The following INHBC variants were observed in gnomAD, a reference collection of about 807,000 sequenced individuals.
INHBC encodes inhibin beta C chain.
In INHBC, 10 loss-of-function variants were observed where a neutral mutation model predicts 12.4. That is an observed-to-expected ratio of 0.81 (90% CI 0.50 to 1.37). INHBC has a LOEUF of 1.37. INHBC is among the 40% of genes most tolerant of loss of function. The pLI is 0.00. For missense variants in INHBC, 382 were observed against 439.4 expected, an observed-to-expected ratio of 0.87 and a Z score of 1.17; for synonymous variants, 147 against 171.6, an observed-to-expected ratio of 0.86 and a Z score of 1.12.
intron 1 of INHBC, among the ~76,000 whole-genome samples, chr12:57,446,829 CAA>C (rs1319712260): frequency 6.6e-6 from 1 of 151,684 alleles, no homozygotes; most frequent in Non-Finnish European, 1.5e-5. Context: ...GTTGGGCCGA[CAA>C]AGAGGAGCTG....
At chr12:57,440,128 C>T (rs916485197) in intron 1 of INHBC, among the ~76,000 whole-genome samples, 1 of 152,070 alleles carries the variant, frequency 6.6e-6, no homozygotes, top group Non-Finnish European at 1.5e-5. Flanking sequence ...CTTTAAGAAC[C>T]TTTTGTCAGA....
At position 57,451,831 on chromosome 12, in the gene INHBC, C is replaced by A. The variant is rs1870718138; in HGVS notation, c.*1809C>A. 2.2e-6 allele frequency: 1 copy of A among 455,606 alleles called. No individual in the cohort carries two copies. Among genetic ancestry groups the A allele is most frequent in the South Asian group, 1.5e-5 (1 of 64,530 alleles). The allele number at this position is 455,606 out of a possible 1,614,324, so 28.2% of individuals were successfully genotyped here. A position where few individuals can be genotyped will look rare whatever the true frequency, so the allele number is the denominator to read the frequency against. On this transcript the variant is annotated 3_prime_UTR_variant, in exon 2 of 2. Transcript: ENST00000309668. ...CCTTCTGGTGTCTCCCCCACACATC[C>A]CCGACCCCCAGATCTAACCTCCTTC...
intron 1 of INHBC, among the ~76,000 whole-genome samples, chr12:57,440,916 C>T (rs532703504): frequency 2.0e-5 from 3 of 152,204 alleles, no homozygotes; most frequent in East Asian, 1.9e-4. Context: ...TTCCCGAAGC[C>T]GGTGCAACTG....
chr12:57,437,952 A>C (rs1337884253), intron 1 of INHBC, among the ~76,000 whole-genome samples: 1 of 151,696 alleles, frequency 6.6e-6, no homozygotes, highest in Non-Finnish European at 1.5e-5. Context: ...AACCTGGCTA[A>C]TTTTTGTATT....
chr12:57,434,949 A>AGCTG lies in INHBC; in HGVS notation c.66_69dup (p.Gly24TrpfsTer23). The AGCTG allele has an allele frequency of 6.2e-7, 1 of 1,614,180 alleles. No homozygotes were observed. Among genetic ancestry groups the AGCTG allele is most frequent in the Middle Eastern group, 1.6e-4 (1 of 6,062 alleles). ...CTCCAACCACAGTGGCCACTCCCAG[A>AGCTG]GCTGGCGGTCAGTGTCCAGCATGTG... On this transcript the variant is annotated frameshift_variant, in exon 1 of 2. Transcript: ENST00000309668. LOFTEE classifies it high-confidence loss of function.
intron 1 of INHBC, among the ~76,000 whole-genome samples, chr12:57,436,655 T>A (rs2139829543): frequency 6.6e-6 from 1 of 151,302 alleles, no homozygotes; most frequent in East Asian, 1.9e-4. Context: ...TAATTTTTTT[T>A]ATTTTTTATT....
At chr12:57,447,549 G>A (rs1870605209) in intron 1 of INHBC, among the ~76,000 whole-genome samples, 1 of 151,080 alleles carries the variant, frequency 6.6e-6, no homozygotes, top group African/African-American at 2.4e-5. Flanking sequence ...GGGGTATATA[G>A]GAAGGAAAGT....
In INHBC at chr12:57,449,520, C is replaced by T. The variant is rs1241418758; in HGVS notation, c.557C>T (p.Ala186Val). 1 of 1,614,102 alleles carries T rather than the reference C, an allele frequency of 6.2e-7. No individual in the cohort carries two copies. Among genetic ancestry groups the T allele is most frequent in the Non-Finnish European group, 8.5e-7 (1 of 1,180,042 alleles). ...CATCAACTCCCCCTAGGGCCTGAAG[C>T]TCAAGCTGCCTGCAGCCAGGGGCAC... is the stretch of plus-strand genomic sequence containing the variant. ...GWHQLPLGPE[A>V]QAACSQGHLT... The change falls in exon 2 of 2, where the codon GCT becomes GTT. Residue 186 changes from alanine to valine, a missense_variant. Physicochemically the swap from Ala to Val is moderately conservative, Grantham distance 64. Transcript: ENST00000309668.
chr12:57,438,414 C>G (rs1870393278), intron 1 of INHBC, among the ~76,000 whole-genome samples: 1 of 152,172 alleles, frequency 6.6e-6, no homozygotes. Flanking sequence ...CCCAAAGGCT[C>G]CACTTCCTAA....
chr12:57,440,531 G>A (rs1790017832), intron 1 of INHBC, among the ~76,000 whole-genome samples: 1 of 151,834 alleles, frequency 6.6e-6, no homozygotes, highest in African/African-American at 2.4e-5. Context: ...TGGGTTTTCA[G>A]CATGTTAGCT....
rs3741414 is a variant in INHBC at position 57,450,266 on chromosome 12, C to T, written c.*244C>T. Reference sequence around the variant, plus strand: ...CATAGTCCATCCCGCTAGTCCATCCCGCTAGCCCCACTCCAGGGACTCAGA... The same window carrying T: ...CATAGTCCATCCCGCTAGTCCATCCTGCTAGCCCCACTCCAGGGACTCAGA... On this transcript the variant is annotated 3_prime_UTR_variant, in exon 2 of 2. Coordinates refer to ENST00000309668, the MANE Select transcript of INHBC (RefSeq NM_005538.4). The T allele has an allele frequency of 0.2, 73,958 of 376,874 alleles. 8,261 individuals carry two copies. The highest frequency in any genetic ancestry group is 0.29 in the Admixed American group (6,716 of 22,838). 23.3% of individuals were successfully genotyped at this position (376,874 alleles called of 1,614,324 possible).
intron 1 of INHBC, among the ~76,000 whole-genome samples, chr12:57,443,634 A>G (rs971343209): frequency 2.6e-5 from 4 of 152,186 alleles, no homozygotes; most frequent in Middle Eastern, 3.2e-3. Context: ...CCAAATTACA[A>G]TGGGTATTTA....
At chr12:57,436,169 T>G (rs2139829203) in intron 1 of INHBC, among the ~76,000 whole-genome samples, 1 of 140,972 alleles carries the variant, frequency 7.1e-6, no homozygotes, top group African/African-American at 2.6e-5. Flanking sequence ...TTAAAAAACT[T>G]TTTTTTTTTT....
chr12:57,434,853 A>C lies in INHBC; in HGVS notation c.-34A>C. ...ACAGCTGTTGAGACCCTGAGCCCTG[A>C]GTCTGTATTGCTCAAGAAGGGCCTT... On this transcript the variant is annotated 5_prime_UTR_variant, in exon 1 of 2. Coordinates refer to ENST00000309668, the MANE Select transcript of INHBC (RefSeq NM_005538.4). 6.4e-7 allele frequency: 1 copy of C among 1,572,244 alleles called. No individual in the cohort carries two copies. Among genetic ancestry groups the C allele is most frequent in the East Asian group, 2.2e-5 (1 of 44,492 alleles).
Position 57,449,691 on chromosome 12 carries a change from G to T in INHBC, c.728G>T (p.Gly243Val). ...CGACGAGGCATCGACTGCCAAGGAGGGTCCAGGATGTGCTGTCGACAAGAG... is the reference window on the plus strand; with the variant it reads ...CGACGAGGCATCGACTGCCAAGGAGTGTCCAGGATGTGCTGTCGACAAGAG... ...IHRRGIDCQG[G>V]SRMCCRQEFF... is the part of the protein sequence containing the mutation. Residue 243 changes from glycine to valine, a missense_variant, in exon 2 of 2, where the codon GGG becomes GTG. Gly to Val is a moderately radical substitution (Grantham distance 109, BLOSUM62 -3). Transcript: ENST00000309668. 1 of 1,614,248 alleles carries T rather than the reference G, an allele frequency of 6.2e-7. No homozygotes were observed. Among genetic ancestry groups the T allele is most frequent in the Non-Finnish European group, 8.5e-7 (1 of 1,180,040 alleles).
chr12:57,436,647 AT>A (rs1398914673), intron 1 of INHBC, among the ~76,000 whole-genome samples: 1 of 149,004 alleles, frequency 6.7e-6, no homozygotes, highest in African/African-American at 2.5e-5. Context: ...TGCCTGGCTA[AT>A]TTTTTTTATT....
chr12:57,447,294 C>T (rs1270677306), intron 1 of INHBC, among the ~76,000 whole-genome samples: 1 of 151,908 alleles, frequency 6.6e-6, no homozygotes, highest in East Asian at 1.9e-4. Flanking sequence ...AAGCGATTCT[C>T]CTGCCTCAGC....
chr12:57,449,313 A>G lies in INHBC; in HGVS notation c.350A>G (p.His117Arg). 6.2e-7 allele frequency: 1 copy of G among 1,614,026 alleles called. No homozygotes were observed. The highest frequency in any genetic ancestry group is 1.1e-5 in the South Asian group (1 of 91,066). The change falls in exon 2 of 2, where the codon CAC becomes CGC. Residue 117 changes from histidine to arginine, a missense_variant. His to Arg is a conservative substitution (Grantham distance 29). Coordinates refer to ENST00000309668, the MANE Select transcript of INHBC (RefSeq NM_005538.4). ...STINQTRLDF[H>R]FSSDRTAGDR... ...ATCAACCAGACTCGTCTTGATTTTCACTTCTCCTCTGATAGAACTGCTGGT... is the reference window on the plus strand; with the variant it reads ...ATCAACCAGACTCGTCTTGATTTTCGCTTCTCCTCTGATAGAACTGCTGGT...
At chr12:57,441,144 A>G (rs1013369845) in intron 1 of INHBC, among the ~76,000 whole-genome samples, 1 of 152,150 alleles carries the variant, frequency 6.6e-6, no homozygotes, top group East Asian at 1.9e-4. Flanking sequence ...ACCTGAGGTC[A>G]GGAGTTCGAG....
Sources: allele counts gnomAD v4.1 joint callset (sites outside exome capture counted in the v4.1 genomes callset), GRCh38; gene constraint gnomAD v4.1.1; transcripts MANE v1.5; gene names NCBI Gene and HGNC (gene_info 2026-07-23, HGNC 2026-07-21).